AGPS: variants seen among roughly 807,000 people sequenced by gnomAD.
The protein encoded by AGPS is alkylglycerone phosphate synthase, also known as alkyldihydroxyacetonephosphate synthase, peroxisomal.
In AGPS, 26 loss-of-function variants were observed where a neutral mutation model predicts 90.7. The ratio of observed to expected loss-of-function variants is 0.29; its 90% CI spans 0.21 to 0.40. AGPS has a LOEUF of 0.40. Ranked by LOEUF, AGPS falls within the 10% of genes least tolerant of loss-of-function variation. The probability of loss-of-function intolerance (pLI) is 1.00; values close to 1 mark genes in which losing one functional copy is unlikely to be tolerated. For synonymous variants in AGPS, 294 were observed against 285.3 expected, an observed-to-expected ratio of 1.03 and a Z score of -0.31; for missense variants, 540 against 816.1, an observed-to-expected ratio of 0.66 and a Z score of 4.12.
At chr2:177,398,862 G>A (rs1368758985) in intron 1 of AGPS, among the ~76,000 whole-genome samples, 1 of 152,170 alleles carries the variant, frequency 6.6e-6, no homozygotes, top group Non-Finnish European at 1.5e-5. Context: ...AAGGGAATTA[G>A]GAAGAATGTG....
chr2:177,455,076 C>T (rs565848075), intron 8 of AGPS, among the ~76,000 whole-genome samples: 16 of 152,084 alleles, frequency 1.1e-4, no homozygotes, highest in African/African-American at 3.1e-4. Flanking sequence ...CTTCTTTCAG[C>T]GTGGCCCAGG....
chr2:177,461,847 T>TA (rs750075721), intron 8 of AGPS, 46 bp from the exon 9 acceptor site: 21 of 1,576,852 alleles, frequency 1.3e-5, no homozygotes, highest in Non-Finnish European at 1.8e-5. Flanking sequence ...GTGCTGTACG[T>TA]AATGGGACCA....
rs758311591 is a variant in AGPS, at chr2:177,501,241, C to A, written c.1475+1511C>A. 1.6e-3 allele frequency among the ~76,000 whole-genome samples: 244 copies of A among 152,132 alleles called. 1 individual carries two copies. The highest frequency in any genetic ancestry group is 3.1e-3 in the Non-Finnish European group (214 of 67,952). The stretch of plus-strand genomic sequence containing the variant: ...TAAATTTGCTTAGTTTCACCTCAGT[C>A]GTCTCTCTGCTCACACACACCTCCA... On this transcript the variant is annotated intron_variant, in intron 14 of 19. Coordinates refer to ENST00000264167, the MANE Select transcript of AGPS (RefSeq NM_003659.4).
rs1261073272 is a variant in AGPS at position 177,501,075 on chromosome 2, T to A, written c.1475+1345T>A. On this transcript the variant is annotated intron_variant, in intron 14 of 19. Transcript: ENST00000264167. ...GGACATTTAAAACCTACTCTAGCCT[T>A]AAATATTAGAGACTGAAGCTTTAAA... is the stretch of plus-strand genomic sequence containing the variant. Among the ~76,000 whole-genome samples the A allele has an allele frequency of 2.0e-5, 3 of 152,318 alleles. No individual in the cohort carries two copies. In the East Asian group the frequency reaches 5.8e-4, roughly 29 times the overall value.
intron 8 of AGPS, among the ~76,000 whole-genome samples, chr2:177,456,250 A>G (rs762499329): frequency 3.9e-5 from 6 of 152,112 alleles, no homozygotes; most frequent in Non-Finnish European, 5.9e-5. Context: ...TCTTCAGCAA[A>G]TTTTTCTTAC....
intron 2 of AGPS, among the ~76,000 whole-genome samples, chr2:177,421,290 A>G (rs1411834683): frequency 3.3e-5 from 5 of 152,184 alleles, no homozygotes; most frequent in Admixed American, 2.0e-4. Flanking sequence ...CTATTCCAGT[A>G]TTGTACCCTG....
At chr2:177,395,053 A>G (rs886464439) in intron 1 of AGPS, among the ~76,000 whole-genome samples, 3 of 152,252 alleles carry the variant, frequency 2.0e-5, no homozygotes, top group South Asian at 2.1e-4. Flanking sequence ...CCTGGCTTCA[A>G]TTGAGGTTAT....
chr2:177,500,231 C>A (rs1395857461), intron 14 of AGPS, among the ~76,000 whole-genome samples: 1 of 151,994 alleles, frequency 6.6e-6, no homozygotes, highest in Admixed American at 6.5e-5. Flanking sequence ...GAAAACATTT[C>A]ACATCTATAA....
Position 177,508,112 on chromosome 2 carries a change from T to A in AGPS, c.1607+81T>A, listed in dbSNP as rs1655808022. 4 of 1,096,720 alleles carry A rather than the reference T, an allele frequency of 3.6e-6. No homozygotes were observed. The Admixed American group carries it at 7.0e-5, about 19-fold the overall frequency. 67.9% of individuals were successfully genotyped at this position (1,096,720 alleles called of 1,614,324 possible). On this transcript the variant is annotated intron_variant, in intron 16 of 19. Transcript: ENST00000264167. ...AGTAATGTTTCTTTTTGTGTGAATA[T>A]GTAAGTTTAAAACATTTTATGAAGA...
intron 8 of AGPS, among the ~76,000 whole-genome samples, chr2:177,456,533 T>C (rs1268232109): frequency 6.6e-6 from 1 of 152,122 alleles, no homozygotes; most frequent in Non-Finnish European, 1.5e-5. Context: ...TAGTAGGAAG[T>C]TAGTAAGATT....
intron 19 of AGPS, among the ~76,000 whole-genome samples, chr2:177,526,798 G>C (rs919355232): frequency 1.3e-4 from 20 of 152,182 alleles, no homozygotes; most frequent in African/African-American, 4.6e-4. Flanking sequence ...ACAGTGAAGA[G>C]AAAGGGGATA....
intron 8 of AGPS, 128 bp from the exon 9 acceptor site, chr2:177,461,762 TTTG>T: frequency 1.0e-5 from 7 of 698,954 alleles, no homozygotes; most frequent in Non-Finnish European, 8.4e-6. Flanking sequence ...TTTTTTTTTT[TTTG>T]CTATGTAGGA....
chr2:177,472,358 G>A (rs554127934), intron 10 of AGPS, among the ~76,000 whole-genome samples: 75 of 149,672 alleles, frequency 5.0e-4, no homozygotes, highest in Non-Finnish European at 8.8e-4. Context: ...TACTTTTTAC[G>A]TGCCTTTTTT....
intron 12 of AGPS, among the ~76,000 whole-genome samples, chr2:177,496,232 C>T (rs978325820): frequency 1.3e-5 from 2 of 151,740 alleles, no homozygotes; most frequent in African/African-American, 2.4e-5. Context: ...ATATGGAGTC[C>T]GCATGCATTG....
chr2:177,478,383 T>C (rs1687842307), intron 10 of AGPS, among the ~76,000 whole-genome samples: 2 of 152,214 alleles, frequency 1.3e-5, no homozygotes, highest in African/African-American at 4.8e-5. Context: ...ATGTATAGGT[T>C]ATTGGTTTTT....
At chr2:177,469,831 A>G (rs1025939841) in intron 10 of AGPS, among the ~76,000 whole-genome samples, 1 of 152,144 alleles carries the variant, frequency 6.6e-6, no homozygotes, top group Non-Finnish European at 1.5e-5. Context: ...AAATAGCCAC[A>G]TTATACTTTT....
chr2:177,438,863 A>T (rs926061720), intron 5 of AGPS, among the ~76,000 whole-genome samples: 1 of 152,088 alleles, frequency 6.6e-6, no homozygotes, highest in Non-Finnish European at 1.5e-5. Flanking sequence ...TTTAATGTGA[A>T]TTTCCTACTG....
chr2:177,470,619 G>A (rs1283861914), intron 10 of AGPS, among the ~76,000 whole-genome samples: 4 of 149,164 alleles, frequency 2.7e-5, no homozygotes, highest in Admixed American at 1.4e-4. Flanking sequence ...CACAAGAATC[G>A]CTTGAACCCG....
chr2:177,465,417 C>T (rs1027122094), intron 9 of AGPS, among the ~76,000 whole-genome samples: 7 of 152,190 alleles, frequency 4.6e-5, no homozygotes, highest in South Asian at 2.1e-4. Flanking sequence ...TTCTGTCTGG[C>T]GGCACCTTTG....
Sources: gnomAD v4.1 joint callset for allele counts (sites outside exome capture counted in the v4.1 genomes callset) on GRCh38, gnomAD v4.1.1 for gene constraint, MANE v1.5 for transcripts, NCBI Gene and HGNC (gene_info 2026-07-23, HGNC 2026-07-21) for gene names.